The following KCTD2 variants were observed in gnomAD, a reference collection of about 807,000 sequenced individuals.
The protein encoded by KCTD2 is potassium channel tetramerization domain containing 2, also known as BTB/POZ domain-containing protein KCTD2.
A neutral mutation model predicts 27.9 loss-of-function variants in KCTD2; 18 were observed. The observed-to-expected ratio is 0.64, with a 90% CI of 0.45 to 0.96. The LOEUF is 0.96. Ranked by LOEUF, KCTD2 falls within the 40% of genes least tolerant of loss-of-function variation. The pLI, the probability that KCTD2 is intolerant of heterozygous loss-of-function variation, is 0.00. For synonymous variants in KCTD2, 175 were observed against 148.4 expected (o/e 1.18, Z -1.30); for missense variants, 280 against 348.0 (o/e 0.80, Z 1.56).
At chr17:75,045,057 G>A (rs115540755), upstream of KCTD2, among the ~76,000 whole-genome samples, 1 of 152,086 alleles carries the variant, frequency 6.6e-6, no homozygotes, top group Non-Finnish European at 1.5e-5. Flanking sequence ...CCTAAGCGTC[G>A]ACTGGCTTGA....
chr17:75,062,947 T>G, intron 5 of KCTD2, 71 bp from the exon 6 acceptor site: 2 of 1,536,722 alleles, frequency 1.3e-6, no homozygotes, highest in Non-Finnish European at 1.8e-6. Context: ...TCGGGTCCAG[T>G]GGAAAGCATC....
At chr17:75,054,142 C>G (rs190797270) in intron 3 of KCTD2, among the ~76,000 whole-genome samples, 2 of 151,710 alleles carry the variant, frequency 1.3e-5, no homozygotes, top group African/African-American at 4.8e-5. Flanking sequence ...CTCAGCCTAC[C>G]GAGTAGCTGG....
At chr17:75,046,666 G>C (rs998435014), upstream of KCTD2, among the ~76,000 whole-genome samples, 1 of 152,258 alleles carries the variant, frequency 6.6e-6, no homozygotes, top group African/African-American at 2.4e-5. Flanking sequence ...CGGACTGCAC[G>C]AGACACGGCT....
chr17:75,062,193 A>G lies in KCTD2; in HGVS notation c.710A>G (p.Glu237Gly). The G allele has an allele frequency of 6.2e-7, 1 of 1,614,020 alleles. No homozygotes were observed. The highest frequency in any genetic ancestry group is 8.5e-7 in the Non-Finnish European group (1 of 1,179,950). ...GAATTCCTCTGTGTTGTCTCCAGAG[A>G]ACTAAATAATTCTACCAATGGCATC... The part of the protein sequence containing the change: ...QAEFLCVVSR[E>G]LNNSTNGIVI... Residue 237 changes from glutamate (E) to glycine (G), a missense_variant, in exon 5 of 6, where the codon GAA (glutamate) becomes GGA (glycine). Physicochemically the swap from Glu to Gly is moderately conservative, Grantham distance 98. Coordinates refer to ENST00000322444, the MANE Select transcript of KCTD2 (RefSeq NM_015353.3).
At chr17:75,040,215 G>A in intron 3 of KCTD2, 1 of 1,609,212 alleles carries the variant, frequency 6.2e-7, no homozygotes, top group African/African-American at 1.3e-5. Flanking sequence ...ACAAACACAA[G>A]GACAGTGAGT....
chr17:75,044,668 G>A (rs2073195243), upstream of KCTD2, among the ~76,000 whole-genome samples: 1 of 150,890 alleles, frequency 6.6e-6, no homozygotes, highest in African/African-American at 2.4e-5. Flanking sequence ...TTCAACACAT[G>A]TGAAAATGTG....
chr17:75,049,135 T>C (rs1598121141), intron 1 of KCTD2, 85 bp from the exon 2 acceptor site: 3 of 785,792 alleles, frequency 3.8e-6, no homozygotes, highest in Non-Finnish European at 4.1e-6. Flanking sequence ...CTTGGGGCGC[T>C]GACAAAGATG....
At chr17:75,057,017 C>T (rs370834832) in intron 3 of KCTD2, among the ~76,000 whole-genome samples, 65 of 134,346 alleles carry the variant, frequency 4.8e-4, no homozygotes, top group African/African-American at 1.6e-3. Flanking sequence ...TGCAGTGATG[C>T]GATCTCAGCT....
Position 75,060,687 on chromosome 17 carries a change from A to G in KCTD2, c.636+1082A>G, listed in dbSNP as rs559099035. ...CGCGTGCGAGGGCGGGTCAGGCTGCACTCAGGGTCTCGGTCGCCGCCACTC... is the reference window on the plus strand; with the variant it reads ...CGCGTGCGAGGGCGGGTCAGGCTGCGCTCAGGGTCTCGGTCGCCGCCACTC... On this transcript the variant is annotated intron_variant, in intron 4 of 5. Coordinates refer to ENST00000322444, the MANE Select transcript of KCTD2 (RefSeq NM_015353.3). 1,222 of 1,354,286 alleles carry G rather than the reference A, an allele frequency of 9.0e-4. 1 individual carries two copies. Among genetic ancestry groups the G allele is most frequent in the Non-Finnish European group, 1.1e-3 (1,154 of 1,019,798 alleles). The allele number at this position is 1,354,286 out of a possible 1,614,324, so 83.9% of individuals were successfully genotyped here. A position where few individuals can be genotyped will look rare whatever the true frequency, so the allele number is the denominator to read the frequency against.
At chr17:75,058,938 A>C (rs1190833279) in intron 3 of KCTD2, among the ~76,000 whole-genome samples, 1 of 151,896 alleles carries the variant, frequency 6.6e-6, no homozygotes, top group African/African-American at 2.4e-5. Flanking sequence ...TCTACTAAAA[A>C]ATACAAAAAA....
upstream of KCTD2, among the ~76,000 whole-genome samples, chr17:75,045,229 A>T (rs2073201587): frequency 1.3e-5 from 2 of 152,230 alleles, no homozygotes; most frequent in South Asian, 4.1e-4. Flanking sequence ...ACAGACATCA[A>T]GTACTTAACA....
intron 2 of KCTD2, 120 bp from the exon 3 acceptor site, chr17:75,052,893 CA>C (rs2073303926): frequency 1.3e-6 from 1 of 780,602 alleles, no homozygotes; most frequent in Admixed American, 2.1e-5. Flanking sequence ...GACTCCGTCT[CA>C]AAAAATAAGT....
chr17:75,036,059 T>C, intron 3 of KCTD2: 1 of 454,256 alleles, frequency 2.2e-6, no homozygotes. Flanking sequence ...TTTTTTTCTT[T>C]TTCTTCTTCC....
At chr17:75,047,050 G>C (rs2073228574), upstream of KCTD2, 1 of 261,530 alleles carries the variant, frequency 3.8e-6, no homozygotes, top group African/African-American at 2.3e-5. Flanking sequence ...AGCCAATAGA[G>C]ATGAGGGCTG....
upstream of KCTD2, among the ~76,000 whole-genome samples, chr17:75,046,510 C>T (rs2073218356): frequency 6.6e-6 from 1 of 152,222 alleles, no homozygotes; most frequent in Non-Finnish European, 1.5e-5. Flanking sequence ...GAGCCCTGAA[C>T]GCTCTATACG....
chr17:75,035,067 T>G (rs1296787966), intron 2 of KCTD2, among the ~76,000 whole-genome samples: 1 of 151,980 alleles, frequency 6.6e-6, no homozygotes, highest in Non-Finnish European at 1.5e-5. Flanking sequence ...GCCGGAGCGT[T>G]TAATGGCCAT....
chr17:75,050,249 A>AGTAG (rs1393047955), intron 2 of KCTD2, among the ~76,000 whole-genome samples: 5 of 151,942 alleles, frequency 3.3e-5, no homozygotes, highest in Non-Finnish European at 7.4e-5. Flanking sequence ...GTAAGTACCT[A>AGTAG]GTAGGTGTAT....
intron 3 of KCTD2, among the ~76,000 whole-genome samples, chr17:75,038,299 C>T (rs902670470): frequency 3.3e-5 from 5 of 151,986 alleles, no homozygotes; most frequent in Admixed American, 3.3e-4. Context: ...CCCACCACCA[C>T]GCCTGGCTAA....
upstream of KCTD2, chr17:75,042,275 A>C: frequency 1.2e-6 from 2 of 1,613,848 alleles, no homozygotes; most frequent in Non-Finnish European, 1.7e-6. Flanking sequence ...TAAAGCAGCC[A>C]ACCTGCCCAC....
Sources: allele counts gnomAD v4.1 joint callset (sites outside exome capture counted in the v4.1 genomes callset), GRCh38; gene constraint gnomAD v4.1.1; transcripts MANE v1.5; gene names NCBI Gene and HGNC (gene_info 2026-07-23, HGNC 2026-07-21).